The following TSBP1 variants were observed in gnomAD, a reference collection of about 807,000 sequenced individuals.
The protein encoded by TSBP1 is testis expressed basic protein 1, also known as testis-expressed basic protein 1.
TSBP1 carries 56 observed loss-of-function variants against 68.8 expected under a neutral mutation model. The observed-to-expected ratio is 0.81, with a 90% CI of 0.66 to 1.02. TSBP1 has a LOEUF of 1.02. Ranked by LOEUF, TSBP1 falls within the 50% of genes least tolerant of loss-of-function variation. The probability of loss-of-function intolerance (pLI) is 0.00; values close to 1 mark genes in which losing one functional copy is unlikely to be tolerated. For synonymous variants in TSBP1, 171 were observed against 208.7 expected, an observed-to-expected ratio of 0.82 and a Z score of 1.56; for missense variants, 502 against 641.2, an observed-to-expected ratio of 0.78 and a Z score of 2.34.
intron 15 of TSBP1, 70 bp downstream of exon 16, chr6:32,331,964 G>T: frequency 9.2e-7 from 1 of 1,086,328 alleles, no homozygotes; most frequent in Non-Finnish European, 1.4e-6. Context: ...TACTTAAACA[G>T]TTGGAGCCAG....
In TSBP1 at chr6:32,316,489, G is replaced by T; in HGVS notation, c.560-697C>A. The T allele has an allele frequency of 7.9e-7, 1 of 1,267,794 alleles. No individual in the cohort carries two copies. Among genetic ancestry groups the T allele is most frequent in the Non-Finnish European group, 1.1e-6 (1 of 896,736 alleles). The allele number at this position is 1,267,794 out of a possible 1,614,324, so 78.5% of individuals were successfully genotyped here. A position where few individuals can be genotyped will look rare whatever the true frequency, so the allele number is the denominator to read the frequency against. On this transcript the variant is annotated intron_variant, in intron 18 of 22. Transcript: ENST00000612031. This position sits in a 1 kb window ranked among gnomAD's most constrained non-coding sequence, Gnocchi z 4.5. ...CTTCTAGGGAGAGATATTTGTGTTG[G>T]GGAGAATCTTGGTAGTCACACAGCT...
Position 32,361,515 on chromosome 6 carries a change from A to G in TSBP1, c.217+4652T>C, listed in dbSNP as rs1244215568. On this transcript the variant is annotated intron_variant, in intron 6 of 22. Transcript: ENST00000612031. This position sits in a 1 kb window ranked among gnomAD's most constrained non-coding sequence, Gnocchi z 4.3. ...CCACCAACATTGTAAAAACATTCCT[A>G]TTTCTCCATATCCTCTCCAGCACCT... is the stretch of plus-strand genomic sequence containing the variant. Among the ~76,000 whole-genome samples, 1 of 152,060 alleles carries G rather than the reference A, an allele frequency of 6.6e-6. No homozygotes were observed. Among genetic ancestry groups the G allele is most frequent in the Non-Finnish European group, 1.5e-5 (1 of 67,996 alleles).
intron 4 of TSBP1, among the ~76,000 whole-genome samples, chr6:32,367,243 A>AAGAGATAGAGAGAGAGAG (rs1773846691): frequency 7.7e-6 from 1 of 130,662 alleles, no homozygotes; most frequent in Non-Finnish European, 1.7e-5. Flanking sequence ...GAGGGAAGGA[A>AAGAGATAGAGAGAGAGAG]AGAGAGAGAG....
chr6:32,326,694 G>A (rs1005907550), intron 16 of TSBP1, among the ~76,000 whole-genome samples: 10 of 152,310 alleles, frequency 6.6e-5, no homozygotes, highest in Middle Eastern at 3.4e-3. Flanking sequence ...ATAAATCAAC[G>A]TGTACAGCCT....
chr6:32,362,145 C>T (rs1335116463), intron 6 of TSBP1, among the ~76,000 whole-genome samples: 4 of 152,024 alleles, frequency 2.6e-5, no homozygotes, highest in African/African-American at 4.8e-5. Flanking sequence ...AAAAATTAGC[C>T]GGGCGTAGTG....
chr6:32,323,673 A>G, intron 16 of TSBP1, 59 bp from the exon 18 acceptor site: 10 of 1,527,468 alleles, frequency 6.5e-6, no homozygotes, highest in Non-Finnish European at 8.1e-6. Context: ...TTTCCTTTCT[A>G]TGTAGAGAGT....
At chr6:32,352,745 G>A (rs1771863573) in intron 8 of TSBP1, 1 of 151,546 alleles carries the variant, frequency 6.6e-6, no homozygotes, top group Non-Finnish European at 1.5e-5. Context: ...TAAAACAAAG[G>A]TGTTAGAACA....
intron 6 of TSBP1, among the ~76,000 whole-genome samples, chr6:32,362,150 G>A (rs534913656): frequency 1.3e-5 from 2 of 152,130 alleles, no homozygotes; most frequent in Non-Finnish European, 2.9e-5. Flanking sequence ...TTAGCCGGGC[G>A]TAGTGGCAGG....
rs3132957 is a variant in TSBP1 at position 32,325,179 on chromosome 6, T to C, written c.515-1565A>G. 379,882 of 540,862 alleles carry C rather than the reference T, an allele frequency of 0.7. 134,694 individuals carry two copies. Among genetic ancestry groups the C allele is most frequent in the South Asian group, 0.82 (23,482 of 28,538 alleles). The allele number at this position is 540,862 out of a possible 1,614,324, so 33.5% of individuals were successfully genotyped here. On this transcript the variant is annotated intron_variant, in intron 16 of 22. Transcript: ENST00000612031. The surrounding 1 kb of genome is among the most constrained non-coding windows in gnomAD (Gnocchi z 4.4). ...TATGCCTTTCTGCCCATGGATGCCA[T>C]GGAAGAAGCATCATTAAAGTCTCTC...
Position 32,323,623 on chromosome 6 carries a change from CAG to C in TSBP1, c.515-11_515-10del, listed in dbSNP as rs1322487512. The C allele has an allele frequency of 2.5e-6, 4 of 1,612,186 alleles. No homozygotes were observed. Among genetic ancestry groups the C allele is most frequent in the Non-Finnish European group, 3.4e-6 (4 of 1,179,388 alleles). Reference sequence around the variant, plus strand: ...TGCTGAAGGTGGACCAGCTGAAAAACAGAGAGGTATCTTAGCAACTGTTTTTT... The same window carrying C: ...TGCTGAAGGTGGACCAGCTGAAAAACAGAGGTATCTTAGCAACTGTTTTTT... On this transcript the variant is annotated splice_polypyrimidine_tract_variant and intron_variant, in intron 16 of 22. Transcript: ENST00000612031.
intron 16 of TSBP1, chr6:32,326,279 G>A: frequency 4.0e-6 from 3 of 745,416 alleles, no homozygotes; most frequent in Non-Finnish European, 6.9e-6. Flanking sequence ...GTGGTGGCAG[G>A]GCCTAGCTGG....
Position 32,325,405 on chromosome 6 carries a change from C to T in TSBP1, c.515-1791G>A, listed in dbSNP as rs970302741. ...AGGGGCTTTGGATTTTTCACATATG[C>T]CACTGTGGAGGAGGTGGATGCAGCC... On this transcript the variant is annotated intron_variant, in intron 16 of 22. Transcript: ENST00000612031. This position sits in a 1 kb window ranked among gnomAD's most constrained non-coding sequence, Gnocchi z 4.4. The T allele has an allele frequency of 1.1e-5, 10 of 939,080 alleles. No individual in the cohort carries two copies. Among genetic ancestry groups the T allele is most frequent in the Non-Finnish European group, 1.6e-5 (9 of 580,436 alleles). 58.2% of individuals were successfully genotyped at this position (939,080 alleles called of 1,614,324 possible).
chr6:32,320,353 G>A (rs1767482701), intron 18 of TSBP1: 1 of 385,702 alleles, frequency 2.6e-6, no homozygotes, highest in Non-Finnish European at 5.2e-6. Flanking sequence ...TCATGCCTGG[G>A]GCAGATGGGT....
At chr6:32,308,519 A>C (rs1766009631) in intron 19 of TSBP1, among the ~76,000 whole-genome samples, 2 of 140,430 alleles carry the variant, frequency 1.4e-5, no homozygotes, top group Non-Finnish European at 3.1e-5. Context: ...AATGGCGTGA[A>C]CCCGGGAGGC....
exon 9 of TSBP1, chr6:32,349,756 C>A: frequency 6.2e-7 from 1 of 1,603,212 alleles, no homozygotes; most frequent in Admixed American, 1.7e-5. Context: ...TTGATCGAGA[C>A]AGTGCTAAAA....
chr6:32,360,413 T>A (rs1045847420), intron 6 of TSBP1, among the ~76,000 whole-genome samples: 1 of 152,162 alleles, frequency 6.6e-6, no homozygotes, highest in African/African-American at 2.4e-5. Context: ...TGTGTGTGTG[T>A]CTGTGTATCA....
At chr6:32,339,719 C>G (rs774588253) in intron 9 of TSBP1, 81 bp from the exon 11 acceptor site, 5 of 641,690 alleles carry the variant, frequency 7.8e-6, no homozygotes, top group Non-Finnish European at 1.4e-5. Context: ...CCATTCCCTC[C>G]TCCCCCTCCT....
Position 32,365,360 on chromosome 6 carries a change from T to C in TSBP1, c.217+807A>G. On this transcript the variant is annotated intron_variant, in intron 6 of 22. Transcript: ENST00000612031. This position sits in a 1 kb window ranked among gnomAD's most constrained non-coding sequence, Gnocchi z 4.3. ...GACTGTGAGATGTTTCCTTTTGTTG[T>C]CCATGGTGGCTCATTTGGGGACTCA... 2.2e-6 allele frequency: 1 copy of C among 457,292 alleles called. No individual in the cohort carries two copies. Among genetic ancestry groups the C allele is most frequent in the Non-Finnish European group, 4.4e-6 (1 of 227,096 alleles). The allele number at this position is 457,292 out of a possible 1,614,324, so 28.3% of individuals were successfully genotyped here. A position where few individuals can be genotyped will look rare whatever the true frequency, so the allele number is the denominator to read the frequency against.
intron 2 of TSBP1, 119 bp from the exon 3 acceptor site, chr6:32,368,933 T>C (rs1774077040): frequency 1.7e-6 from 2 of 1,206,910 alleles, no homozygotes; most frequent in Non-Finnish European, 2.3e-6. Context: ...CCTCCTGATA[T>C]AATGCATTGT....
Sources: gnomAD v4.1 joint callset for allele counts (sites outside exome capture counted in the v4.1 genomes callset) on GRCh38, gnomAD v4.1.1 for gene constraint, Gnocchi (gnomAD v3.1) non-coding constraint, MANE v1.5 for transcripts, NCBI Gene and HGNC (gene_info 2026-07-23, HGNC 2026-07-21) for gene names.